The following ANO3 variants were observed in gnomAD, a reference collection of about 807,000 sequenced individuals.
ANO3 encodes the protein anoctamin-3.
ANO3 carries 99 observed loss-of-function variants against 144.8 expected under a neutral mutation model. The ratio of observed to expected loss-of-function variants is 0.68; its 90% CI spans 0.58 to 0.81. The LOEUF (loss-of-function observed/expected upper bound fraction) is 0.81, where lower values mean the gene tolerates loss of function less well. Ranked by LOEUF, ANO3 falls within the 30% of genes least tolerant of loss-of-function variation. The probability of loss-of-function intolerance (pLI) is 0.00; values close to 1 mark genes in which losing one functional copy is unlikely to be tolerated. For synonymous variants in ANO3, 414 were observed against 392.6 expected (o/e 1.05, Z -0.64); for missense variants, 905 against 1,202.2 (o/e 0.75, Z 3.66).
chr11:26,194,818 G>T (rs2133906454), intron 1 of ANO3, among the ~76,000 whole-genome samples: 1 of 152,140 alleles, frequency 6.6e-6, no homozygotes. Context: ...CACTAGCCTT[G>T]GCCTTGCAAA....
chr11:26,619,760 C>A (rs1349995104), intron 17 of ANO3, among the ~76,000 whole-genome samples: 1 of 152,130 alleles, frequency 6.6e-6, no homozygotes, highest in African/African-American at 2.4e-5. Context: ...AGCCACTGCG[C>A]CCGGCCAAAA....
intron 1 of ANO3, among the ~76,000 whole-genome samples, chr11:26,226,526 C>A (rs1384918939): frequency 6.6e-6 from 1 of 151,958 alleles, no homozygotes; most frequent in Admixed American, 6.6e-5. Flanking sequence ...TTTAGTTTAT[C>A]CCTGGAGCCC....
chr11:26,561,370 T>A, intron 14 of ANO3: 1 of 635,746 alleles, frequency 1.6e-6, no homozygotes, highest in Non-Finnish European at 2.5e-6. Context: ...TTTAAAATTT[T>A]AAATAAGTAG....
In ANO3 at chr11:26,508,087, C is replaced by A; in HGVS notation, c.433-17C>A. 1 of 1,568,812 alleles carries A rather than the reference C, an allele frequency of 6.4e-7. No individual in the cohort carries two copies. The highest frequency in any genetic ancestry group is 2.4e-5 in the East Asian group (1 of 42,156). On this transcript the variant is annotated splice_polypyrimidine_tract_variant and intron_variant, in intron 4 of 26. Coordinates refer to ENST00000256737, the MANE Select transcript of ANO3 (RefSeq NM_031418.4). ...TTGTCTAACCCACACCATTAACAAT[C>A]ATTGCTTTATTTGCAGAATGACATG...
intron 1 of ANO3, among the ~76,000 whole-genome samples, chr11:26,315,481 A>T (rs1335390928): frequency 7.2e-5 from 11 of 152,350 alleles, no homozygotes; most frequent in Non-Finnish European, 1.5e-5. Context: ...TTGGGGAAGA[A>T]TAAATATAAT....
Position 26,531,239 on chromosome 11 carries a change from A to G in ANO3, c.772A>G (p.Met258Val), listed in dbSNP as rs1484945484. The G allele has an allele frequency of 2.5e-6, 4 of 1,614,072 alleles. No homozygotes were observed. The East Asian group carries it at 6.7e-5, about 27-fold the overall frequency. ...QTYFRRIKNWMAQNPMVLDKS... is the reference protein window; with the variant it reads ...QTYFRRIKNWVAQNPMVLDKS... ...TTATTTTAGAAGAATCAAAAACTGG[A>G]TGGCCCAAAACCCAATGGTTCTTGA... Residue 258 changes from methionine (M) to valine (V), a missense_variant, in exon 8 of 27, where the codon ATG (methionine) becomes GTG (valine). By Grantham distance (21) the Met-to-Val change is conservative. This residue lies in a region of ANO3 where 71 missense variants were observed against 57.9 expected (regional missense o/e 1.23). Transcript: ENST00000256737.
At chr11:26,508,844 C>T (rs575157023) in intron 5 of ANO3, 6 of 151,652 alleles carry the variant, frequency 4.0e-5, no homozygotes, top group South Asian at 2.1e-4. Context: ...ATGTATTAAT[C>T]GCATTACAGA....
intron 18 of ANO3, among the ~76,000 whole-genome samples, chr11:26,628,151 C>A (rs1852654145): frequency 6.6e-6 from 1 of 151,956 alleles, no homozygotes; most frequent in Admixed American, 6.6e-5. Context: ...ATCAGGATGG[C>A]TGTTAATTTT....
intron 1 of ANO3, among the ~76,000 whole-genome samples, chr11:26,405,398 G>A (rs1031605602): frequency 6.6e-6 from 1 of 151,774 alleles, no homozygotes; most frequent in African/African-American, 2.4e-5. Flanking sequence ...CTAAATGTGT[G>A]TGCTTTAATT....
intron 1 of ANO3, among the ~76,000 whole-genome samples, chr11:26,268,453 C>T (rs772370203): frequency 2.0e-5 from 3 of 152,018 alleles, no homozygotes; most frequent in Non-Finnish European, 4.4e-5. Flanking sequence ...CTCCAGCACC[C>T]TCTGGCATAA....
At chr11:26,386,321 G>A (rs1461375) in intron 1 of ANO3, among the ~76,000 whole-genome samples, 142,002 of 152,244 alleles carry the variant, frequency 0.93, 66,384 homozygotes, top group East Asian at 1. Flanking sequence ...TCCTCCTTAC[G>A]TTACAATGCT....
intron 6 of ANO3, among the ~76,000 whole-genome samples, chr11:26,525,084 AT>A (rs1849127948): frequency 6.6e-6 from 1 of 152,040 alleles, no homozygotes; most frequent in Non-Finnish European, 1.5e-5. Context: ...GGGTATTTCC[AT>A]TCTTGCATTT....
intron 1 of ANO3, among the ~76,000 whole-genome samples, chr11:26,264,889 T>A (rs997581012): frequency 6.6e-6 from 1 of 152,048 alleles, no homozygotes; most frequent in African/African-American, 2.4e-5. Flanking sequence ...AAAAATGTCA[T>A]ATTTTGAGGA....
intron 4 of ANO3, among the ~76,000 whole-genome samples, chr11:26,478,880 T>C (rs1860087401): frequency 6.6e-6 from 1 of 152,200 alleles, no homozygotes; most frequent in South Asian, 2.1e-4. Flanking sequence ...GTCTTCAGGC[T>C]ATAAAAGCTC....
intron 1 of ANO3, among the ~76,000 whole-genome samples, chr11:26,302,512 A>T (rs1007481566): frequency 6.6e-6 from 1 of 152,178 alleles, no homozygotes; most frequent in Admixed American, 6.5e-5. Context: ...AATGATAATA[A>T]AAAGGAAAAA....
chr11:26,439,858 T>C (rs537705066), intron 1 of ANO3, among the ~76,000 whole-genome samples: 2 of 152,308 alleles, frequency 1.3e-5, no homozygotes, highest in African/African-American at 4.8e-5. Flanking sequence ...AGAATCAGAG[T>C]AAAACAAATT....
chr11:26,486,069 A>T (rs1487275161), intron 4 of ANO3, among the ~76,000 whole-genome samples: 2 of 101,354 alleles, frequency 2.0e-5, no homozygotes, highest in Non-Finnish European at 4.5e-5. Flanking sequence ...TTATTTATTT[A>T]AAAAAAAATC....
At chr11:26,435,937 T>G (rs930832927) in intron 1 of ANO3, among the ~76,000 whole-genome samples, 4 of 152,202 alleles carry the variant, frequency 2.6e-5, no homozygotes, top group Non-Finnish European at 5.9e-5. Context: ...GAGAACTAGT[T>G]TAGTTGTTTG....
In ANO3 at chr11:26,473,909, T is replaced by C. The variant is rs536182668; in HGVS notation, c.432+10761T>C. ...TGAGTTATCTTTAAAAAAAAATGAT[T>C]ATTCAAACTCTGGCATTTAGAGAGT... On this transcript the variant is annotated intron_variant, in intron 4 of 26. Coordinates refer to ENST00000256737, the MANE Select transcript of ANO3 (RefSeq NM_031418.4). The C allele has an allele frequency of 1.2e-4, 122 of 984,042 alleles. No individual in the cohort carries two copies. In the African/African-American group the frequency reaches 2.0e-3, roughly 16 times the overall value. 61.0% of individuals were successfully genotyped at this position (984,042 alleles called of 1,614,324 possible).
Sources: allele counts gnomAD v4.1 joint callset (sites outside exome capture counted in the v4.1 genomes callset), GRCh38; gene constraint gnomAD v4.1.1; regional missense constraint gnomAD v4.1.1; transcripts MANE v1.5; gene names NCBI Gene and HGNC (gene_info 2026-07-23, HGNC 2026-07-21).